Variants in DNAH11 observed in about 807,000 individuals in gnomAD.
DNAH11 encodes dynein axonemal heavy chain 11, also known as axonemal beta dynein heavy chain 11.
In DNAH11, 442 loss-of-function variants were observed where a neutral mutation model predicts 526.0. That is an observed-to-expected ratio of 0.84 (90% CI 0.78 to 0.91). DNAH11 has a LOEUF of 0.91. Among genes scored for constraint, DNAH11 ranks in the 40% least tolerant of loss-of-function variants. The pLI is 0.00. For synonymous variants in DNAH11, 2,461 were observed against 1,935.9 expected, an observed-to-expected ratio of 1.27 and a Z score of -7.12; for missense variants, 6,989 against 5,448.7, an observed-to-expected ratio of 1.28 and a Z score of -8.90.
chr7:21,727,232 C>T (rs1785165101), intron 45 of DNAH11, among the ~76,000 whole-genome samples: 3 of 151,958 alleles, frequency 2.0e-5, no homozygotes, highest in Middle Eastern at 6.8e-3. Context: ...CGTGCCTGGC[C>T]TCTGCATCCT....
intron 58 of DNAH11, among the ~76,000 whole-genome samples, chr7:21,785,097 G>T (rs75193198): frequency 0.034 from 5,106 of 152,252 alleles, 128 homozygotes; most frequent in Non-Finnish European, 0.055. Flanking sequence ...AAAGTGAAAT[G>T]GGGGGCAATG....
At chr7:21,772,356 C>CT (rs572354679) in intron 55 of DNAH11, among the ~76,000 whole-genome samples, 50,052 of 139,832 alleles carry the variant, frequency 0.36, 9,123 homozygotes, top group East Asian at 0.51. Flanking sequence ...TTCTTTCTTT[C>CT]TTTTTTTTTT....
chr7:21,900,792 A>T, intron 81 of DNAH11: 2 of 544,768 alleles, frequency 3.7e-6, no homozygotes, highest in Non-Finnish European at 5.8e-6. Flanking sequence ...AGGAAAGTTT[A>T]ACCACTACGC....
At chr7:21,751,088 C>T (rs960249678) in intron 54 of DNAH11, among the ~76,000 whole-genome samples, 2 of 152,118 alleles carry the variant, frequency 1.3e-5, no homozygotes, top group African/African-American at 2.4e-5. Flanking sequence ...CTTTAGGAAG[C>T]CATGGTGGGT....
At chr7:21,717,650 G>T in intron 42 of DNAH11, 125 bp from the exon 43 acceptor site, 1 of 1,093,594 alleles carries the variant, frequency 9.1e-7, no homozygotes, top group East Asian at 2.6e-5. Context: ...AAAATAGAAC[G>T]AACTCACTAA....
chr7:21,559,534 C>T lies in DNAH11; in HGVS notation c.693-69C>T. 3.2e-6 allele frequency: 4 copies of T among 1,249,234 alleles called. No homozygotes were observed. The Admixed American group carries it at 8.4e-5, about 26-fold the overall frequency. The allele number at this position is 1,249,234 out of a possible 1,614,324, so 77.4% of individuals were successfully genotyped here. A position where few individuals can be genotyped will look rare whatever the true frequency, so the allele number is the denominator to read the frequency against. Reference sequence around the variant, plus strand: ...ACTAGTTTATGGATGCCTAAAATAACTATTAAAGTCTATGTCTTTGGATAA... The same window carrying T: ...ACTAGTTTATGGATGCCTAAAATAATTATTAAAGTCTATGTCTTTGGATAA... On this transcript the variant is annotated intron_variant, in intron 3 of 81. Transcript: ENST00000409508.
intron 25 of DNAH11, among the ~76,000 whole-genome samples, chr7:21,632,456 A>G (rs888123981): frequency 1.3e-5 from 2 of 152,152 alleles, no homozygotes; most frequent in African/African-American, 4.8e-5. Flanking sequence ...TGCTTCCCTT[A>G]TAAAACTGAA....
At chr7:21,781,187 C>T (rs945583442) in intron 57 of DNAH11, among the ~76,000 whole-genome samples, 1 of 152,144 alleles carries the variant, frequency 6.6e-6, no homozygotes, top group Non-Finnish European at 1.5e-5. Flanking sequence ...ATTGGGATCT[C>T]AAGTCTTCAA....
intron 30 of DNAH11, among the ~76,000 whole-genome samples, chr7:21,673,702 A>C (rs775677425): frequency 2.0e-5 from 3 of 152,088 alleles, no homozygotes; most frequent in African/African-American, 4.8e-5. Context: ...ACAAAATAAT[A>C]ACCAAAAATT....
At chr7:21,572,895 G>C (rs1318125557) in intron 8 of DNAH11, among the ~76,000 whole-genome samples, 1 of 152,170 alleles carries the variant, frequency 6.6e-6, no homozygotes, top group Non-Finnish European at 1.5e-5. Flanking sequence ...AATAATTTGA[G>C]TGAGCTCATC....
chr7:21,852,405 T>TAAAA lies in DNAH11; in HGVS notation c.10897-47_10897-44dup, dbSNP rs55939718. 1.9e-3 allele frequency: 2,385 copies of TAAAA among 1,239,734 alleles called. 2 individuals carry two copies. The highest frequency in any genetic ancestry group is 2.3e-3 in the Middle Eastern group (9 of 3,910). 76.8% of individuals were successfully genotyped at this position (1,239,734 alleles called of 1,614,324 possible). A position where few individuals can be genotyped will look rare whatever the true frequency, so the allele number is the denominator to read the frequency against. Reference sequence around the variant, plus strand: ...CTGGGCGACAGAGCAAGACTTCCTCTAAAAAAAAAAAAAAAAAAGTACTTA... The same window carrying TAAAA: ...CTGGGCGACAGAGCAAGACTTCCTCTAAAAAAAAAAAAAAAAAAAAAAGTACTTA... On this transcript the variant is annotated intron_variant, in intron 66 of 81. Coordinates refer to ENST00000409508, the MANE Select transcript of DNAH11 (RefSeq NM_001277115.2).
intron 35 of DNAH11, among the ~76,000 whole-genome samples, chr7:21,692,373 G>A (rs1281176386): frequency 1.3e-5 from 2 of 152,136 alleles, no homozygotes; most frequent in Admixed American, 1.3e-4. Context: ...TACTTTCTGT[G>A]ATTATAGATT....
At chr7:21,693,754 ATT>A in intron 35 of DNAH11, among the ~76,000 whole-genome samples, 1 of 152,266 alleles carries the variant, frequency 6.6e-6, no homozygotes, top group Non-Finnish European at 1.5e-5. Context: ...ACACTGGTTC[ATT>A]GTATTAGTCC....
chr7:21,675,364 C>T (rs1200639059), intron 30 of DNAH11, among the ~76,000 whole-genome samples: 3 of 152,172 alleles, frequency 2.0e-5, no homozygotes, highest in East Asian at 1.9e-4. Context: ...TGTGGCATAA[C>T]GACTGCCTCC....
intron 2 of DNAH11, 35 bp downstream of exon 2, chr7:21,545,184 T>G (rs746487306): frequency 6.4e-7 from 1 of 1,556,492 alleles, no homozygotes; most frequent in Non-Finnish European, 8.7e-7. Context: ...AAGCTTTCAC[T>G]TATCTCCATG....
intron 30 of DNAH11, among the ~76,000 whole-genome samples, chr7:21,668,915 T>C (rs1782526714): frequency 6.6e-6 from 1 of 152,152 alleles, no homozygotes; most frequent in Non-Finnish European, 1.5e-5. Flanking sequence ...AGTCAAACAG[T>C]TCTCTATTGT....
chr7:21,867,132 C>T (rs1783311777), intron 71 of DNAH11, among the ~76,000 whole-genome samples: 1 of 152,216 alleles, frequency 6.6e-6, no homozygotes, highest in Admixed American at 6.5e-5. Context: ...AAACCCTTGT[C>T]TACATCTTGG....
At chr7:21,869,042 C>G in intron 73 of DNAH11, 51 bp downstream of exon 73, 1 of 1,609,768 alleles carries the variant, frequency 6.2e-7, no homozygotes, top group Non-Finnish European at 8.5e-7. Context: ...AGAGGAGGGC[C>G]AGGGCAGAGC....
chr7:21,660,361 T>C (rs1562735803), intron 30 of DNAH11, among the ~76,000 whole-genome samples: 4 of 152,062 alleles, frequency 2.6e-5, no homozygotes, highest in Non-Finnish European at 5.9e-5. Flanking sequence ...CTACTCAAAC[T>C]TAAATCTTTC....
Sources: gnomAD v4.1 joint callset for allele counts (sites outside exome capture counted in the v4.1 genomes callset) on GRCh38, gnomAD v4.1.1 for gene constraint, MANE v1.5 for transcripts, NCBI Gene and HGNC (gene_info 2026-07-23, HGNC 2026-07-21) for gene names.